The following RAET1E variants were observed in gnomAD, a reference collection of about 807,000 sequenced individuals.
The protein encoded by RAET1E is retinoic acid early transcript 1E.
Under a neutral mutation model 21.1 loss-of-function variants are expected in RAET1E, and 27 were observed. The ratio of observed to expected loss-of-function variants is 1.28; its 90% CI spans 0.94 to 1.76. The LOEUF is 1.76. Among genes scored for constraint, RAET1E ranks in the 40% most tolerant of loss-of-function variants. The pLI is 0.00. For missense variants in RAET1E, 310 were observed against 311.3 expected, an observed-to-expected ratio of 1.00 and a Z score of 0.03; for synonymous variants, 113 against 115.0, an observed-to-expected ratio of 0.98 and a Z score of 0.11.
intron 1 of RAET1E, chr6:149,896,329 T>C (rs748104790): frequency 2.0e-5 from 3 of 152,270 alleles, no homozygotes; most frequent in Non-Finnish European, 4.4e-5. Context: ...GCTCTATCTC[T>C]GGGGCTGGGG....
At chr6:149,889,813 C>T in intron 4 of RAET1E, 72 bp downstream of exon 4, 5 of 1,551,178 alleles carry the variant, frequency 3.2e-6, no homozygotes, top group Non-Finnish European at 4.4e-6. Flanking sequence ...ACCTAAAGCC[C>T]CTCCCCATCT....
intron 1 of RAET1E, among the ~76,000 whole-genome samples, chr6:149,897,164 C>T (rs1044295428): frequency 7.9e-5 from 12 of 152,182 alleles, no homozygotes; most frequent in African/African-American, 2.9e-4. Flanking sequence ...TCCAGAATAG[C>T]TGGCACTACA....
Position 149,886,617 on chromosome 6 carries a change from A to G in RAET1E, c.*1881T>C, listed in dbSNP as rs1424684371. Among the ~76,000 whole-genome samples, 1 of 152,108 alleles carries G rather than the reference A, an allele frequency of 6.6e-6. No individual in the cohort carries two copies. Among genetic ancestry groups the G allele is most frequent in the Non-Finnish European group, 1.5e-5 (1 of 68,020 alleles). Reference sequence around the variant, plus strand: ...GCCATGTTGGCCAGGCTGGTCTCGAACTCCTGACCTCAAATGATCCACCCA... The same window carrying G: ...GCCATGTTGGCCAGGCTGGTCTCGAGCTCCTGACCTCAAATGATCCACCCA... On this transcript the variant is annotated 3_prime_UTR_variant, in exon 6 of 6. Coordinates refer to ENST00000357183, the MANE Select transcript of RAET1E (RefSeq NM_001394057.1).
rs1414343698 is a variant in RAET1E, at chr6:149,886,948, G to A, written c.*1550C>T. ...AGAGAAATCCATGCGACACAGTGGG[G>A]AGGCCCTCCCCAAAGGGTGGCAGAT... On this transcript the variant is annotated 3_prime_UTR_variant, in exon 6 of 6. Transcript: ENST00000357183. 6.6e-6 allele frequency among the ~76,000 whole-genome samples: 1 copy of A among 152,172 alleles called. No homozygotes were observed. Among genetic ancestry groups the A allele is most frequent in the Non-Finnish European group, 1.5e-5 (1 of 68,042 alleles).
At chr6:149,893,192 T>C (rs1777980719) in intron 2 of RAET1E, among the ~76,000 whole-genome samples, 1 of 152,220 alleles carries the variant, frequency 6.6e-6, no homozygotes, top group African/African-American at 2.4e-5. Context: ...AGCCTCCTTT[T>C]TGGTTCCATA....
intron 5 of RAET1E, chr6:149,888,945 G>A: frequency 2.7e-6 from 2 of 741,436 alleles, no homozygotes; most frequent in Non-Finnish European, 4.0e-6. Flanking sequence ...AGAACTGTTT[G>A]GAGGATGACA....
intron 1 of RAET1E, among the ~76,000 whole-genome samples, chr6:149,897,378 G>A (rs546298717): frequency 6.6e-6 from 1 of 152,318 alleles, no homozygotes; most frequent in East Asian, 1.9e-4. Context: ...GATAAGGAAA[G>A]TGAAACCAAT....
At chr6:149,892,268 G>A (rs555450166) in intron 2 of RAET1E, among the ~76,000 whole-genome samples, 2 of 152,154 alleles carry the variant, frequency 1.3e-5, no homozygotes, top group African/African-American at 4.8e-5. Context: ...TTCTAGATCC[G>A]TAAGGAATTG....
In RAET1E at chr6:149,888,285, C is replaced by G. The variant is rs1003131355; in HGVS notation, c.*213G>C. The G allele has an allele frequency of 3.6e-5, 26 of 722,614 alleles. No individual in the cohort carries two copies. In the East Asian group the frequency reaches 6.5e-4, roughly 18 times the overall value. The allele number at this position is 722,614 out of a possible 1,614,324, so 44.8% of individuals were successfully genotyped here. ...GGGCCGGATGGCAAGGAGACAACAC[C>G]CCAGGCAGGCGTTCCAGATCTTTGA... On this transcript the variant is annotated 3_prime_UTR_variant, in exon 6 of 6. Coordinates refer to ENST00000357183, the MANE Select transcript of RAET1E (RefSeq NM_001394057.1).
At chr6:149,888,982 G>A in intron 5 of RAET1E, 1 of 873,462 alleles carries the variant, frequency 1.1e-6, no homozygotes, top group Non-Finnish European at 1.6e-6. Context: ...ATTCTGTGTG[G>A]GGAAGGTGGG....
chr6:149,883,700 A>C lies in RAET1E; in HGVS notation c.*4798T>G, dbSNP rs9383575. ...AGATAGAGTGAGACTCTGTCTCAAA[A>C]AAACAAACAAACAAACAAAGAATTA... On this transcript the variant is annotated 3_prime_UTR_variant, in exon 6 of 6. Transcript: ENST00000357183. The C allele has an allele frequency of 0.16, 25,392 of 156,306 alleles. 2,628 individuals carry two copies. Among genetic ancestry groups the C allele is most frequent in the East Asian group, 0.55 (2,869 of 5,236 alleles). 9.7% of individuals were successfully genotyped at this position (156,306 alleles called of 1,614,324 possible). A position where few individuals can be genotyped will look rare whatever the true frequency, so the allele number is the denominator to read the frequency against.
Position 149,890,872 on chromosome 6 carries a change from A to G in RAET1E, c.30T>C (p.Pro10=), listed in dbSNP as rs1223679102. 15 of 1,613,452 alleles carry G rather than the reference A, an allele frequency of 9.3e-6. No individual in the cohort carries two copies. Among genetic ancestry groups the G allele is most frequent in the Non-Finnish European group, 1.1e-5 (13 of 1,179,446 alleles). The change falls in exon 3 of 6, where the codon CCT becomes CCC. Residue 10 remains proline, a synonymous_variant. Transcript: ENST00000357183. ...ACAGCAGAAACAAAAGAAGGCGCAC[A>G]GGGCTAGAAGTCAGGGATATTCTTC... is the stretch of plus-strand genomic sequence containing the variant. MRRISLTSS[P]VRLLLFLLLL... is the part of the protein sequence containing the mutation.
chr6:149,885,072 A>G lies in RAET1E; in HGVS notation c.*3426T>C, dbSNP rs9397419. Among the ~76,000 whole-genome samples, 23,277 of 152,082 alleles carry G rather than the reference A, an allele frequency of 0.15. 2,336 individuals carry two copies. The highest frequency in any genetic ancestry group is 0.56 in the East Asian group (2,858 of 5,148). ...CTTCATTATGTCCTCCTAGGAATTA[A>G]ACCTAGAGACCCCTCAACCTTTGGC... On this transcript the variant is annotated 3_prime_UTR_variant, in exon 6 of 6. Coordinates refer to ENST00000357183, the MANE Select transcript of RAET1E (RefSeq NM_001394057.1).
At position 149,889,492 on chromosome 6, in the gene RAET1E, T is replaced by C. The variant is rs763900484; in HGVS notation, c.478A>G (p.Ile160Val). ...TTGATCTTACTGGCTTCATGATTAATTACTGTCCAGGTCATGTTCATTGCG... is the reference window on the plus strand; with the variant it reads ...TTGATCTTACTGGCTTCATGATTAACTACTGTCCAGGTCATGTTCATTGCG... Reference protein sequence around the residue: ...FDAMNMTWTVINHEASKIKET... With the variant: ...FDAMNMTWTVVNHEASKIKET... The change falls in exon 5 of 6, where the codon ATT (isoleucine) becomes GTT (valine). Residue 160 changes from isoleucine to valine, a missense_variant. Coordinates refer to ENST00000357183, the MANE Select transcript of RAET1E (RefSeq NM_001394057.1). 3.7e-6 allele frequency: 6 copies of C among 1,614,106 alleles called. No individual in the cohort carries two copies. The highest frequency in any genetic ancestry group is 5.1e-6 in the Non-Finnish European group (6 of 1,180,048).
At chr6:149,891,585 T>C (rs947755001) in intron 2 of RAET1E, among the ~76,000 whole-genome samples, 2 of 152,016 alleles carry the variant, frequency 1.3e-5, no homozygotes, top group African/African-American at 4.8e-5. Context: ...TAGATGCTAA[T>C]TAACGAAACT....
At chr6:149,891,443 C>T (rs974067104) in intron 2 of RAET1E, among the ~76,000 whole-genome samples, 3 of 151,902 alleles carry the variant, frequency 2.0e-5, no homozygotes, top group Admixed American at 6.6e-5. Context: ...ATTAAACTAG[C>T]TGCAAACAGG....
chr6:149,894,272 G>A (rs1778027594), intron 2 of RAET1E, among the ~76,000 whole-genome samples: 1 of 152,142 alleles, frequency 6.6e-6, no homozygotes, highest in Admixed American at 6.5e-5. Context: ...CTCTTCTTGA[G>A]GAGTATCTTT....
intron 1 of RAET1E, among the ~76,000 whole-genome samples, chr6:149,896,610 G>A (rs1778124528): frequency 6.6e-6 from 1 of 151,930 alleles, no homozygotes; most frequent in South Asian, 2.1e-4. Flanking sequence ...GGACACCAGC[G>A]GGGGTGGGCC....
rs564482096 is a variant in RAET1E at position 149,892,394 on chromosome 6, G to A, written c.-133-1360C>T. Reference sequence around the variant, plus strand: ...GTTATTTCCTGACTTTTTAATGAACGTCATTCTAACTGGCGTGAGATGGTA... The same window carrying A: ...GTTATTTCCTGACTTTTTAATGAACATCATTCTAACTGGCGTGAGATGGTA... On this transcript the variant is annotated intron_variant, in intron 2 of 5. Coordinates refer to ENST00000357183, the MANE Select transcript of RAET1E (RefSeq NM_001394057.1). 1.6e-4 allele frequency among the ~76,000 whole-genome samples: 25 copies of A among 152,268 alleles called. No homozygotes were observed. In the South Asian group the frequency reaches 1.9e-3, roughly 11 times the overall value.
Sources: gnomAD v4.1 joint callset for allele counts (sites outside exome capture counted in the v4.1 genomes callset) on GRCh38, gnomAD v4.1.1 for gene constraint, MANE v1.5 for transcripts, NCBI Gene and HGNC (gene_info 2026-07-23, HGNC 2026-07-21) for gene names.